NBAS: variants seen among roughly 807,000 people sequenced by gnomAD.
The protein encoded by NBAS is NAG/BC035112 fusion.
NBAS carries 219 observed loss-of-function variants against 302.5 expected under a neutral mutation model. The ratio of observed to expected loss-of-function variants is 0.72; its 90% CI spans 0.65 to 0.81. The LOEUF is 0.81. Among genes scored for constraint, NBAS ranks in the 30% least tolerant of loss-of-function variants. The pLI is 0.00. For synonymous variants in NBAS, 1,118 were observed against 1,021.6 expected (o/e 1.09, Z -1.80); for missense variants, 2,932 against 2,841.6 (o/e 1.03, Z -0.72).
intron 50 of NBAS, among the ~76,000 whole-genome samples, chr2:15,185,766 T>G (rs144369514): frequency 1.3e-5 from 2 of 152,170 alleles, no homozygotes; most frequent in Non-Finnish European, 2.9e-5. Context: ...ATGGATAAAA[T>G]ATTTCAAAAA....
chr2:15,385,837 C>A (rs76465558), intron 28 of NBAS, among the ~76,000 whole-genome samples: 2 of 152,028 alleles, frequency 1.3e-5, no homozygotes, highest in Non-Finnish European at 2.9e-5. Context: ...AAATAGATTA[C>A]CATGAGTAGA....
chr2:15,087,015 T>G, the NBAS span, among the ~76,000 whole-genome samples: 1 of 151,216 alleles, frequency 6.6e-6, no homozygotes, highest in Non-Finnish European at 1.5e-5. Flanking sequence ...GAAGACAGAA[T>G]TCTTCCTGCC....
chr2:15,230,572 C>T (rs939282819), intron 47 of NBAS, among the ~76,000 whole-genome samples: 2 of 152,180 alleles, frequency 1.3e-5, no homozygotes, highest in African/African-American at 2.4e-5. Context: ...CTTCTGTAAA[C>T]GTGGCTAGAA....
chr2:15,036,640 G>A, the NBAS span, among the ~76,000 whole-genome samples: 27 of 152,182 alleles, frequency 1.8e-4, no homozygotes, highest in Non-Finnish European at 3.2e-4. Context: ...GGAGGGATCT[G>A]ACATAAGTAC....
chr2:14,834,114 G>A, the NBAS span, among the ~76,000 whole-genome samples: 2 of 152,100 alleles, frequency 1.3e-5, no homozygotes, highest in Admixed American at 1.3e-4. Context: ...TGATTTTGCA[G>A]CCAGTTTAGG....
the NBAS span, among the ~76,000 whole-genome samples, chr2:15,092,940 AC>A: frequency 6.6e-6 from 1 of 152,120 alleles, no homozygotes; most frequent in Non-Finnish European, 1.5e-5. Context: ...CTGTGTTTTT[AC>A]CCAAAGCACA....
chr2:15,158,993 C>T, the NBAS span, among the ~76,000 whole-genome samples: 2 of 152,196 alleles, frequency 1.3e-5, no homozygotes, highest in African/African-American at 4.8e-5. Flanking sequence ...ACAGGACCCA[C>T]ATTTCTCCAC....
At position 15,396,606 on chromosome 2, in the gene NBAS, T is replaced by C; in HGVS notation, c.3072-131A>G. On this transcript the variant is annotated intron_variant, in intron 26 of 51. Coordinates refer to ENST00000281513, the MANE Select transcript of NBAS (RefSeq NM_015909.4). ...TAATGTATAACAATATTATCTAAATTCATTCAGCATTATTAATGATTCAAG... is the reference window on the plus strand; with the variant it reads ...TAATGTATAACAATATTATCTAAATCCATTCAGCATTATTAATGATTCAAG... 5.2e-6 allele frequency: 3 copies of C among 579,116 alleles called. No homozygotes were observed. In the South Asian group the frequency reaches 8.6e-5, roughly 17 times the overall value. 35.9% of individuals were successfully genotyped at this position (579,116 alleles called of 1,614,324 possible).
chr2:15,323,143 GC>G (rs1671899530), intron 38 of NBAS, among the ~76,000 whole-genome samples: 1 of 152,128 alleles, frequency 6.6e-6, no homozygotes, highest in Non-Finnish European at 1.5e-5. Context: ...GTCACTGCAA[GC>G]CCTTAAAATC....
chr2:14,871,834 A>G, the NBAS span, among the ~76,000 whole-genome samples: 1 of 152,156 alleles, frequency 6.6e-6, no homozygotes, highest in Non-Finnish European at 1.5e-5. Context: ...ATTGACCAAA[A>G]ATAGACAACA....
the NBAS span, among the ~76,000 whole-genome samples, chr2:14,869,755 A>G: frequency 2.0e-5 from 3 of 152,112 alleles, no homozygotes; most frequent in Non-Finnish European, 2.9e-5. Context: ...TTATCCATTT[A>G]CCACCAAAAC....
intron 25 of NBAS, among the ~76,000 whole-genome samples, chr2:15,407,511 T>A (rs1193557197): frequency 6.6e-6 from 1 of 152,148 alleles, no homozygotes; most frequent in Admixed American, 6.5e-5. Context: ...GTGACTTCAC[T>A]ACTCAGAGAA....
rs2148459613 is a variant in NBAS, at chr2:15,415,716, A to G, written c.2767T>C (p.Ser923Pro). 2 of 1,614,194 alleles carry G rather than the reference A, an allele frequency of 1.2e-6. No homozygotes were observed. Among genetic ancestry groups the G allele is most frequent in the Non-Finnish European group, 1.7e-6 (2 of 1,180,016 alleles). Residue 923 changes from serine (S) to proline (P), a missense_variant, in exon 25 of 52, where the codon TCT (serine) becomes CCT (proline). Physicochemically the swap from Ser to Pro is moderately conservative, Grantham distance 74 (BLOSUM62 -1). Transcript: ENST00000281513. Reference sequence around the variant, plus strand: ...GCACTTGTCACATATTTATCCTCAGAACACTGAAAGTACAATCAAGCAAAA... The same window carrying G: ...GCACTTGTCACATATTTATCCTCAGGACACTGAAAGTACAATCAAGCAAAA... ...EKLRLLMNSC[S>P]EDKYVTSAYQ...
the NBAS span, among the ~76,000 whole-genome samples, chr2:14,960,846 A>G: frequency 6.6e-6 from 1 of 152,308 alleles, no homozygotes. Context: ...AATGAACAAG[A>G]CCTGGCCTTC....
At position 15,287,200 on chromosome 2, in the gene NBAS, C is replaced by T. The variant is rs750834470; in HGVS notation, c.5028-17G>A. ...TCTAGAGTTCTGCAGAAATGTCCAT[C>T]AAGCCCAGGAAGGGAGAGAGGAGAA... On this transcript the variant is annotated splice_polypyrimidine_tract_variant and intron_variant, in intron 41 of 51. Coordinates refer to ENST00000281513, the MANE Select transcript of NBAS (RefSeq NM_015909.4). 1 of 1,596,722 alleles carries T rather than the reference C, an allele frequency of 6.3e-7. No individual in the cohort carries two copies. The highest frequency in any genetic ancestry group is 8.6e-7 in the Non-Finnish European group (1 of 1,164,282).
At chr2:14,795,478 T>C in the NBAS span, among the ~76,000 whole-genome samples, 1 of 151,818 alleles carries the variant, frequency 6.6e-6, no homozygotes, top group Non-Finnish European at 1.5e-5. Context: ...ATTTTACATA[T>C]ATATATATAT....
intron 10 of NBAS, 113 bp from the exon 11 acceptor site, chr2:15,504,326 T>C (rs1262342347): frequency 7.7e-6 from 7 of 907,048 alleles, no homozygotes; most frequent in African/African-American, 1.7e-5. Context: ...TTTTAATTGA[T>C]TAAAGAAAAT....
the NBAS span, among the ~76,000 whole-genome samples, chr2:14,821,172 C>T: frequency 4.6e-5 from 7 of 152,162 alleles, no homozygotes; most frequent in African/African-American, 1.7e-4. Context: ...GTGATCCGCC[C>T]GCCTCGCCTC....
At chr2:15,467,440 T>G in intron 18 of NBAS, 33 bp from the exon 19 acceptor site, 1 of 1,528,198 alleles carries the variant, frequency 6.5e-7, no homozygotes. Flanking sequence ...GCCACTTATA[T>G]TTACACAGAA....
Sources: allele counts gnomAD v4.1 joint callset (sites outside exome capture counted in the v4.1 genomes callset), GRCh38; gene constraint gnomAD v4.1.1; transcripts MANE v1.5; gene names NCBI Gene and HGNC (gene_info 2026-07-23, HGNC 2026-07-21).